Variants in SAP130 observed in about 807,000 individuals in gnomAD.
The protein encoded by SAP130 is histone deacetylase complex subunit SAP130.
Under a neutral mutation model 103.2 loss-of-function variants are expected in SAP130, and 16 were observed. That is an observed-to-expected ratio of 0.16 (90% confidence interval 0.10 to 0.24). The LOEUF (loss-of-function observed/expected upper bound fraction) is 0.24. Ranked by LOEUF, SAP130 falls within the 10% of genes least tolerant of loss-of-function variation. SAP130 has a pLI of 1.00. For synonymous variants in SAP130, 477 were observed against 497.0 expected (o/e 0.96, Z 0.53); for missense variants, 990 against 1,359.7 (o/e 0.73, Z 4.28).
At chr2:127,993,910 G>A (rs183293525) in intron 11 of SAP130, among the ~76,000 whole-genome samples, 8 of 152,202 alleles carry the variant, frequency 5.3e-5, no homozygotes, top group East Asian at 3.9e-4. Context: ...ATGTGCCACC[G>A]TACCTGGCTC....
chr2:127,983,650 C>G (rs1043776780), intron 14 of SAP130, among the ~76,000 whole-genome samples: 8 of 152,062 alleles, frequency 5.3e-5, no homozygotes, highest in Non-Finnish European at 1.2e-4. Flanking sequence ...GGGCACAGTA[C>G]AAGGGTCTTT....
In SAP130 at chr2:127,968,175, C is replaced by T. The variant is rs558953080; in HGVS notation, c.2063+9810G>A. On this transcript the variant is annotated intron_variant, in intron 15 of 20. Coordinates refer to ENST00000643581, the MANE Select transcript of SAP130 (RefSeq NM_001330301.2). ...CCAAACTGGAGTGCAATGGCACCATCTTGGCTCACTGCAGCCTCTGCCTCC... is the reference window on the plus strand; with the variant it reads ...CCAAACTGGAGTGCAATGGCACCATTTTGGCTCACTGCAGCCTCTGCCTCC... Among the ~76,000 whole-genome samples, 4 of 150,410 alleles carry T rather than the reference C, an allele frequency of 2.7e-5. No homozygotes were observed. The East Asian group carries it at 7.9e-4, about 30-fold the overall frequency.
intron 11 of SAP130, among the ~76,000 whole-genome samples, chr2:127,995,536 G>A (rs1413002596): frequency 6.6e-6 from 1 of 152,194 alleles, no homozygotes; most frequent in African/African-American, 2.4e-5. Flanking sequence ...GGGTGGATAA[G>A]AGAAAGTTTC....
chr2:127,956,603 AATG>A (rs371594152), intron 15 of SAP130, among the ~76,000 whole-genome samples: 44 of 151,532 alleles, frequency 2.9e-4, no homozygotes, highest in African/African-American at 1.0e-3. Flanking sequence ...ACCTAATGTA[AATG>A]ATGAGTTAAT....
chr2:128,019,530 A>G (rs530667157), intron 2 of SAP130, among the ~76,000 whole-genome samples: 1 of 152,040 alleles, frequency 6.6e-6, no homozygotes, highest in South Asian at 2.1e-4. Context: ...CTGGCCTCCC[A>G]AAGTGCTGAG....
chr2:128,018,332 C>A (rs72841730), intron 2 of SAP130, among the ~76,000 whole-genome samples: 35,822 of 118,712 alleles, frequency 0.3, 4,663 homozygotes, highest in African/African-American at 0.37. Flanking sequence ...AAAAAAAAAA[C>A]AAACCAAAAA....
At chr2:128,010,189 C>T (rs765862365) in intron 7 of SAP130, 80 bp downstream of exon 7, 4 of 1,424,038 alleles carry the variant, frequency 2.8e-6, no homozygotes, top group South Asian at 1.4e-5. Flanking sequence ...TAAATATTTA[C>T]TTAAATGAAG....
chr2:128,017,596 A>T, intron 3 of SAP130, 84 bp downstream of exon 3: 1 of 1,186,562 alleles, frequency 8.4e-7, no homozygotes, highest in South Asian at 1.4e-5. Flanking sequence ...CCTAAGATAC[A>T]GCCTAAGATT....
At chr2:128,019,392 C>T (rs978556039) in intron 2 of SAP130, among the ~76,000 whole-genome samples, 2 of 152,150 alleles carry the variant, frequency 1.3e-5, no homozygotes, top group African/African-American at 2.4e-5. Context: ...CTCCGCTGCC[C>T]AAGCAGCTAA....
At position 127,942,324 on chromosome 2, in the gene SAP130, CT is replaced by C. The variant is rs1678766855; in HGVS notation, c.3015+99del. The C allele has an allele frequency of 9.2e-7, 1 of 1,086,290 alleles. No homozygotes were observed. The highest frequency in any genetic ancestry group is 1.6e-5 in the African/African-American group (1 of 64,020). 67.3% of individuals were successfully genotyped at this position (1,086,290 alleles called of 1,614,324 possible). A position where few individuals can be genotyped will look rare whatever the true frequency, so the allele number is the denominator to read the frequency against. ...GCAGGCTGAAGCACGTATGTTTTTACTGAAGATATGAGGGAGACGGGGGGAA... is the reference window on the plus strand; with the variant it reads ...GCAGGCTGAAGCACGTATGTTTTTACGAAGATATGAGGGAGACGGGGGGAA... On this transcript the variant is annotated intron_variant, in intron 20 of 20. Transcript: ENST00000643581. The surrounding 1 kb of genome is among the most constrained non-coding windows in gnomAD (Gnocchi z 4.8).
At position 127,955,906 on chromosome 2, in the gene SAP130, A is replaced by T. The variant is rs977228776; in HGVS notation, c.2064-562T>A. 1.3e-5 allele frequency among the ~76,000 whole-genome samples: 2 copies of T among 152,244 alleles called. No homozygotes were observed. Among genetic ancestry groups the T allele is most frequent in the African/African-American group, 4.8e-5 (2 of 41,462 alleles). ...TTTATAAGCAGTAATAAAATTAACT[A>T]AGAAAATAACACTTTAAAGAACTCA... On this transcript the variant is annotated intron_variant, in intron 15 of 20. Transcript: ENST00000643581. This position sits in a 1 kb window ranked among gnomAD's most constrained non-coding sequence, Gnocchi z 4.9.
intron 13 of SAP130, 98 bp from the exon 14 acceptor site, chr2:127,987,060 T>A (rs1172720138): frequency 2.8e-6 from 3 of 1,084,098 alleles, no homozygotes; most frequent in African/African-American, 3.1e-5. Flanking sequence ...GAATTAGGTA[T>A]CCATGTTCTA....
chr2:127,979,397 G>GC (rs1306420559), intron 14 of SAP130, among the ~76,000 whole-genome samples: 1 of 152,114 alleles, frequency 6.6e-6, no homozygotes, highest in East Asian at 1.9e-4. Context: ...TGTTACAGCA[G>GC]CCCTAGGAAA....
chr2:128,010,159 A>T (rs76742409), intron 7 of SAP130, 110 bp downstream of exon 7: 2 of 432,564 alleles, frequency 4.6e-6, no homozygotes, highest in African/African-American at 4.3e-5. Flanking sequence ...AGCTCATTAT[A>T]AAAAAAAAAA....
rs747633203 is a variant in SAP130 at position 127,945,547 on chromosome 2, G to T, written c.2810C>A (p.Ala937Asp). ...SDVRVKEEKK[A>D]MLQEIANQKG... ...CTGATTAGCTATTTCCTGCAGCATA[G>T]CTTTCTTCTCCTCTGGAACCATAAA... The change falls in exon 19 of 21, where the codon GCT becomes GAT. Residue 937 changes from alanine to aspartate, a missense_variant. Transcript: ENST00000643581. 1 of 1,606,066 alleles carries T rather than the reference G, an allele frequency of 6.2e-7. No homozygotes were observed. Among genetic ancestry groups the T allele is most frequent in the Admixed American group, 1.7e-5 (1 of 59,980 alleles).
At chr2:127,990,768 C>T (rs921047183) in intron 12 of SAP130, among the ~76,000 whole-genome samples, 1 of 151,942 alleles carries the variant, frequency 6.6e-6, no homozygotes, top group Non-Finnish European at 1.5e-5. Context: ...TGGCAAGACC[C>T]TATCTCTATA....
intron 15 of SAP130, among the ~76,000 whole-genome samples, chr2:127,975,064 T>C (rs1212295872): frequency 1.3e-5 from 2 of 152,224 alleles, no homozygotes; most frequent in African/African-American, 4.8e-5. Flanking sequence ...CATTGTTATG[T>C]GGCTAGCTCT....
At chr2:127,963,805 G>A (rs1217301469) in intron 15 of SAP130, among the ~76,000 whole-genome samples, 2 of 152,176 alleles carry the variant, frequency 1.3e-5, no homozygotes, top group Non-Finnish European at 2.9e-5. Context: ...CACCATCCAC[G>A]TAAGATGTGA....
At chr2:127,985,172 G>A (rs1682282752) in intron 14 of SAP130, among the ~76,000 whole-genome samples, 1 of 152,030 alleles carries the variant, frequency 6.6e-6, no homozygotes, top group Admixed American at 6.6e-5. Flanking sequence ...AGTTATATAG[G>A]GTTATGAGAC....
Sources: gnomAD v4.1 joint callset for allele counts (sites outside exome capture counted in the v4.1 genomes callset) on GRCh38, gnomAD v4.1.1 for gene constraint, Gnocchi (gnomAD v3.1) non-coding constraint, MANE v1.5 for transcripts, NCBI Gene and HGNC (gene_info 2026-07-23, HGNC 2026-07-21) for gene names.